PRKG1: variants seen among roughly 807,000 people sequenced by gnomAD.
PRKG1 encodes the protein protein kinase cGMP-dependent 1.
In PRKG1, 35 loss-of-function variants were observed where a neutral mutation model predicts 88.1. The observed-to-expected ratio is 0.40, with a 90% confidence interval of 0.30 to 0.53. The LOEUF is 0.53. Ranked by LOEUF, PRKG1 falls within the 20% of genes least tolerant of loss-of-function variation. The probability of loss-of-function intolerance (pLI) is 0.59; values close to 1 mark genes in which losing one functional copy is unlikely to be tolerated. For missense variants in PRKG1, 540 were observed against 839.8 expected (o/e 0.64, Z 4.41); for synonymous variants, 303 against 292.5 (o/e 1.04, Z -0.37).
intron 4 of PRKG1, among the ~76,000 whole-genome samples, chr10:51,866,310 A>C (rs1277094488): frequency 2.0e-5 from 3 of 152,102 alleles, no homozygotes; most frequent in African/African-American, 7.2e-5. Flanking sequence ...AATGGTATAT[A>C]GATCATATGG....
At chr10:51,676,461 CAAA>C (rs375581966) in intron 3 of PRKG1, among the ~76,000 whole-genome samples, 4 of 92,732 alleles carry the variant, frequency 4.3e-5, no homozygotes. Flanking sequence ...CACCAATGCA[CAAA>C]AAAAAAAAAA....
intron 10 of PRKG1, among the ~76,000 whole-genome samples, chr10:52,262,037 T>C (rs1388904991): frequency 6.6e-6 from 1 of 152,110 alleles, no homozygotes; most frequent in East Asian, 1.9e-4. Flanking sequence ...AAAACTTCCT[T>C]AAATTTAAAC....
chr10:51,808,757 A>G (rs754602396), intron 4 of PRKG1, among the ~76,000 whole-genome samples: 7 of 152,150 alleles, frequency 4.6e-5, no homozygotes, highest in Non-Finnish European at 8.8e-5. Context: ...TTTTTCTGTT[A>G]TAGATATCTT....
At chr10:51,609,153 T>A (rs1461263810) in intron 3 of PRKG1, among the ~76,000 whole-genome samples, 1 of 152,102 alleles carries the variant, frequency 6.6e-6, no homozygotes, top group Non-Finnish European at 1.5e-5. Flanking sequence ...GTTAGTTACA[T>A]ATGTATACAT....
rs566533229 is a variant in PRKG1, at chr10:51,561,915, A to G, written c.592+94079A>G. ...CTGGCAGGTCTATCAGGGAAGTGAT[A>G]TAGAACTGGTTTAATACAAAAGGCT... On this transcript the variant is annotated intron_variant, in intron 3 of 17. Transcript: ENST00000373980. Among the ~76,000 whole-genome samples the G allele has an allele frequency of 3.9e-5, 6 of 152,120 alleles. No homozygotes were observed. The East Asian group carries it at 1.2e-3, about 29-fold the overall frequency.
chr10:51,591,782 A>G (rs1349638908), intron 3 of PRKG1, among the ~76,000 whole-genome samples: 1 of 152,188 alleles, frequency 6.6e-6, no homozygotes, highest in Non-Finnish European at 1.5e-5. Context: ...GAGATCCAGA[A>G]TCTCTACTTA....
At chr10:51,074,198 C>T (rs1843884849), upstream of PRKG1, 1 of 165,388 alleles carries the variant, frequency 6.0e-6, no homozygotes, top group East Asian at 1.7e-4. Flanking sequence ...CTTGGGCGCC[C>T]GGCGCGAGGG....
At chr10:51,313,812 C>T (rs1399414568) in intron 2 of PRKG1, among the ~76,000 whole-genome samples, 1 of 152,094 alleles carries the variant, frequency 6.6e-6, no homozygotes, top group Non-Finnish European at 1.5e-5. Context: ...CTTATAATAC[C>T]AAATAAAAGG....
At chr10:51,172,545 T>C (rs16914946) in intron 2 of PRKG1, among the ~76,000 whole-genome samples, 2,035 of 151,990 alleles carry the variant, frequency 0.013, 40 homozygotes, top group African/African-American at 0.045. Flanking sequence ...ATTTTGAAAA[T>C]TGGCCCTGTC....
At chr10:52,143,835 A>T (rs980755070) in intron 8 of PRKG1, among the ~76,000 whole-genome samples, 5 of 145,440 alleles carry the variant, frequency 3.4e-5, no homozygotes, top group African/African-American at 1.3e-4. Flanking sequence ...TTGGACTGAG[A>T]GGGAATAAAT....
In PRKG1 at chr10:51,792,185, G is replaced by A. The variant is rs576150306; in HGVS notation, c.593-12400G>A. Among the ~76,000 whole-genome samples the A allele has an allele frequency of 4.6e-5, 7 of 152,116 alleles. No individual in the cohort carries two copies. The East Asian group carries it at 9.7e-4, about 21-fold the overall frequency. On this transcript the variant is annotated intron_variant, in intron 3 of 17. Transcript: ENST00000373980. ...TGATTGTGTGATCTTTACTATTCTT[G>A]ATAAGAGGGAACTTGTAGCATTTTT...
chr10:51,772,799 A>T (rs1432897698), intron 3 of PRKG1, among the ~76,000 whole-genome samples: 1 of 152,098 alleles, frequency 6.6e-6, no homozygotes, highest in Non-Finnish European at 1.5e-5. Flanking sequence ...AATTATTTTG[A>T]AAAGCAAGTT....
At chr10:51,711,437 T>C (rs192979901) in intron 3 of PRKG1, among the ~76,000 whole-genome samples, 3 of 152,252 alleles carry the variant, frequency 2.0e-5, no homozygotes, top group African/African-American at 7.2e-5. Flanking sequence ...TCTCCTAATT[T>C]TTTCTCTTTC....
chr10:51,668,033 A>G (rs1840465802), intron 3 of PRKG1, among the ~76,000 whole-genome samples: 1 of 152,080 alleles, frequency 6.6e-6, no homozygotes, highest in African/African-American at 2.4e-5. Context: ...TTAGGTCAAC[A>G]CATTGCCTGG....
intron 4 of PRKG1, among the ~76,000 whole-genome samples, chr10:51,808,882 C>T (rs980050405): frequency 2.0e-5 from 3 of 152,126 alleles, no homozygotes; most frequent in Non-Finnish European, 4.4e-5. Flanking sequence ...CGGTAGGGGT[C>T]TCTGTTGTAC....
At chr10:52,150,123 G>A (rs1034893349) in intron 8 of PRKG1, among the ~76,000 whole-genome samples, 10 of 139,890 alleles carry the variant, frequency 7.1e-5, no homozygotes, top group Non-Finnish European at 1.5e-4. Flanking sequence ...ACTCCAGCCT[G>A]GGCAACAGAG....
At chr10:51,723,336 G>C (rs1307645969) in intron 3 of PRKG1, among the ~76,000 whole-genome samples, 1 of 152,114 alleles carries the variant, frequency 6.6e-6, no homozygotes, top group African/African-American at 2.4e-5. Flanking sequence ...CATGGATGAA[G>C]CTGGAAACCA....
intron 5 of PRKG1, among the ~76,000 whole-genome samples, chr10:51,980,669 G>C (rs1816276139): frequency 6.6e-6 from 1 of 152,114 alleles, no homozygotes; most frequent in South Asian, 2.1e-4. Flanking sequence ...GTGCTCCTCT[G>C]TTGGGCATGT....
chr10:52,219,102 T>G (rs535412802), intron 9 of PRKG1, among the ~76,000 whole-genome samples: 1 of 152,248 alleles, frequency 6.6e-6, no homozygotes, highest in Non-Finnish European at 1.5e-5. Flanking sequence ...AGCACTTCTG[T>G]AAGGAATACT....
Sources: gnomAD v4.1 joint callset for allele counts (sites outside exome capture counted in the v4.1 genomes callset) on GRCh38, gnomAD v4.1.1 for gene constraint, MANE v1.5 for transcripts, NCBI Gene and HGNC (gene_info 2026-07-23, HGNC 2026-07-21) for gene names.